CFAP57: variants seen among roughly 807,000 people sequenced by gnomAD.
The protein encoded by CFAP57 is cilia and flagella associated protein 57, also known as cilia- and flagella-associated protein 57.
In CFAP57, 116 loss-of-function variants were observed where a neutral mutation model predicts 146.8. The ratio of observed to expected loss-of-function variants is 0.79; its 90% confidence interval spans 0.68 to 0.92. CFAP57 has a LOEUF of 0.92. Among genes scored for constraint, CFAP57 ranks in the 40% least tolerant of loss-of-function variants. The probability of loss-of-function intolerance (pLI) is 0.00; values close to 1 mark genes in which losing one functional copy is unlikely to be tolerated. For synonymous variants in CFAP57, 518 were observed against 552.8 expected (o/e 0.94, Z 0.88); for missense variants, 1,377 against 1,527.2 (o/e 0.90, Z 1.64).
intron 18 of CFAP57, among the ~76,000 whole-genome samples, chr1:43,231,579 C>T (rs1044099012): frequency 6.6e-6 from 1 of 151,876 alleles, no homozygotes. Flanking sequence ...TCAGCCCGGG[C>T]GCAGTGGCTC....
chr1:43,187,420 C>T (rs1643207184), intron 6 of CFAP57, among the ~76,000 whole-genome samples: 1 of 152,112 alleles, frequency 6.6e-6, no homozygotes, highest in South Asian at 2.1e-4. Context: ...AGACCATCTA[C>T]AATCATAGTA....
At position 43,254,238 on chromosome 1, in the gene CFAP57, A is replaced by T. The variant is rs552010387; in HGVS notation, c.*47A>T. On this transcript the variant is annotated 3_prime_UTR_variant, in exon 23 of 23. Transcript: ENST00000372492. Reference sequence around the variant, plus strand: ...CAGCCACAGCCAGAAGAAACACAGCATGTCTGTCCCCAAGCCAGACTTGCG... The same window carrying T: ...CAGCCACAGCCAGAAGAAACACAGCTTGTCTGTCCCCAAGCCAGACTTGCG... 1.3e-6 allele frequency: 2 copies of T among 1,493,110 alleles called. No homozygotes were observed. The highest frequency in any genetic ancestry group is 2.5e-5 in the East Asian group (1 of 40,498). 92.5% of individuals were successfully genotyped at this position (1,493,110 alleles called of 1,614,324 possible).
Position 43,198,645 on chromosome 1 carries a change from AG to A in CFAP57, c.1428+1del. On this transcript the variant is annotated frameshift_variant and splice_region_variant, in exon 8 of 23. Transcript: ENST00000372492. LOFTEE classifies it high-confidence loss of function. ...GAATACTCTGTTAGAGGATGCGGAG[AG>A]GTAAAAAAAAAACTGCTGAAGACAA... ...FKEYSVRGCG[E>X]CSFSNGGHLF... is the part of the protein sequence containing the mutation. The A allele has an allele frequency of 6.2e-7, 1 of 1,601,744 alleles. No individual in the cohort carries two copies. Among genetic ancestry groups the A allele is most frequent in the Non-Finnish European group, 8.5e-7 (1 of 1,174,202 alleles).
intron 2 of CFAP57, among the ~76,000 whole-genome samples, chr1:43,178,087 G>T (rs1645242216): frequency 6.6e-6 from 1 of 152,214 alleles, no homozygotes; most frequent in African/African-American, 2.4e-5. Context: ...CTAGCCATAT[G>T]TAGAAAGCTG....
chr1:43,183,816 A>G lies in CFAP57; in HGVS notation c.700A>G (p.Ile234Val). The stretch of plus-strand genomic sequence containing the variant: ...TGGAGATCAGCGTTGGGAGACCAGC[A>G]TAATGGTCAAGGAACCTACCAATGG... ...ESGDQRWETS[I>V]MVKEPTNGSK... The change falls in exon 4 of 23, where the codon ATA becomes GTA. Residue 234 changes from isoleucine (I) to valine (V), a missense_variant. Coordinates refer to ENST00000372492, the MANE Select transcript of CFAP57 (RefSeq NM_001378189.1). 2 of 1,614,226 alleles carry G rather than the reference A, an allele frequency of 1.2e-6. No individual in the cohort carries two copies. The highest frequency in any genetic ancestry group is 1.7e-6 in the Non-Finnish European group (2 of 1,180,034).
chr1:43,229,712 G>T (rs1645394195), intron 18 of CFAP57, among the ~76,000 whole-genome samples: 1 of 148,630 alleles, frequency 6.7e-6, no homozygotes, highest in Admixed American at 6.6e-5. Flanking sequence ...CTAGGGCAGG[G>T]TTTCTCAAGC....
intron 6 of CFAP57, among the ~76,000 whole-genome samples, chr1:43,192,962 T>C (rs960042245): frequency 3.9e-5 from 6 of 152,150 alleles, no homozygotes; most frequent in Non-Finnish European, 8.8e-5. Context: ...AAGTGGTATA[T>C]TGCAATCTTC....
intron 21 of CFAP57, among the ~76,000 whole-genome samples, chr1:43,237,243 G>A (rs920417157): frequency 2.6e-5 from 4 of 152,104 alleles, no homozygotes; most frequent in Admixed American, 2.6e-4. Context: ...AGAAAATGAG[G>A]TCACTGTCTC....
intron 22 of CFAP57, among the ~76,000 whole-genome samples, chr1:43,245,562 C>G (rs866424243): frequency 5.9e-5 from 9 of 152,246 alleles, no homozygotes; most frequent in Middle Eastern, 3.4e-3. Flanking sequence ...CACCCCGACC[C>G]AGAAGCCAGA....
intron 18 of CFAP57, 106 bp downstream of exon 18, chr1:43,227,232 C>G: frequency 7.7e-7 from 1 of 1,304,952 alleles, no homozygotes; most frequent in Non-Finnish European, 1.0e-6. Context: ...TCACAGTCCT[C>G]TCTGCTCCCA....
chr1:43,243,325 C>G lies in CFAP57; in HGVS notation c.3504C>G (p.Thr1168=). The change falls in exon 22 of 23, where the codon ACC becomes ACG. Residue 1168 remains threonine (T), a synonymous_variant. Coordinates refer to ENST00000372492, the MANE Select transcript of CFAP57 (RefSeq NM_001378189.1). ...ACCTTGAAGCAGCTCTGAAACTGAC[C>G]AAGAAAGTCCGACCACAAGAAGTTT... ...VYDLEAALKL[T]KKVRPQEVSE... 1 of 1,540,222 alleles carries G rather than the reference C, an allele frequency of 6.5e-7. No homozygotes were observed. Among genetic ancestry groups the G allele is most frequent in the Non-Finnish European group, 8.8e-7 (1 of 1,140,952 alleles).
At chr1:43,199,146 G>T (rs1570015337) in intron 8 of CFAP57, among the ~76,000 whole-genome samples, 2 of 152,282 alleles carry the variant, frequency 1.3e-5, no homozygotes, top group East Asian at 3.9e-4. Context: ...GATTGCTTGT[G>T]GTCCCAACGG....
chr1:43,218,864 T>C (rs1481788021), intron 12 of CFAP57, among the ~76,000 whole-genome samples: 1 of 152,222 alleles, frequency 6.6e-6, no homozygotes, highest in Non-Finnish European at 1.5e-5. Context: ...TCTGAGATCT[T>C]ACTCTGTGTT....
intron 12 of CFAP57, among the ~76,000 whole-genome samples, chr1:43,217,899 TG>T (rs1400756529): frequency 6.6e-6 from 1 of 152,216 alleles, no homozygotes; most frequent in East Asian, 1.9e-4. Context: ...GGGCCCCTGA[TG>T]GTCTGACGCA....
intron 21 of CFAP57, among the ~76,000 whole-genome samples, chr1:43,241,575 C>A (rs1645924163): frequency 6.6e-6 from 1 of 151,992 alleles, no homozygotes; most frequent in Admixed American, 6.6e-5. Flanking sequence ...AGATAATGTC[C>A]CAAGTAGAAG....
chr1:43,249,597 CTTTTTTTTTTTTT>C (rs35050145), intron 22 of CFAP57, among the ~76,000 whole-genome samples: 3 of 52,650 alleles, frequency 5.7e-5, no homozygotes, highest in Admixed American at 4.8e-4. Context: ...ACCCAGCTAA[CTTTTTTTTTTTTT>C]TTTTTTTTTT....
intron 9 of CFAP57, among the ~76,000 whole-genome samples, chr1:43,203,945 C>T (rs1644243951): frequency 6.6e-6 from 1 of 152,194 alleles, no homozygotes; most frequent in South Asian, 2.1e-4. Context: ...TCTCTCTTCT[C>T]CTAGTGCTCT....
rs1645993439 is a variant in CFAP57 at position 43,243,244 on chromosome 1, C to G, written c.3423C>G (p.Ile1141Met). Residue 1141 changes from isoleucine to methionine, a missense_variant, in exon 22 of 23, where the codon ATC becomes ATG. Coordinates refer to ENST00000372492, the MANE Select transcript of CFAP57 (RefSeq NM_001378189.1). ...TTCTGCAGGAAAATGTCTCTCTGAT[C>G]AAGGAAATTAATGAGCTCCGCAGGG... ...VRIMQENVSL[I>M]KEINELRREL... 2 of 1,550,012 alleles carry G rather than the reference C, an allele frequency of 1.3e-6. No individual in the cohort carries two copies. The highest frequency in any genetic ancestry group is 1.7e-4 in the Middle Eastern group (1 of 5,990).
chr1:43,249,137 A>G (rs1570372860), intron 22 of CFAP57, among the ~76,000 whole-genome samples: 1 of 147,102 alleles, frequency 6.8e-6, no homozygotes. Flanking sequence ...CTTGTGATCC[A>G]CCCACCTCGG....
Sources: allele counts gnomAD v4.1 joint callset (sites outside exome capture counted in the v4.1 genomes callset), GRCh38; gene constraint gnomAD v4.1.1; transcripts MANE v1.5; gene names NCBI Gene and HGNC (gene_info 2026-07-23, HGNC 2026-07-21).